Variants in C12orf76 observed in about 807,000 individuals in gnomAD.
C12orf76 encodes uncharacterized protein C12orf76.
A neutral mutation model predicts 6.8 loss-of-function variants in C12orf76; 6 were observed. That is an observed-to-expected ratio of 0.88 (90% confidence interval 0.48 to 1.73). C12orf76 has a LOEUF of 1.73. C12orf76 is among the 40% of genes most tolerant of loss of function. The pLI is 0.01. For synonymous variants in C12orf76, 56 were observed against 43.7 expected, an observed-to-expected ratio of 1.28 and a Z score of -1.11; for missense variants, 99 against 98.2, an observed-to-expected ratio of 1.01 and a Z score of -0.03.
upstream of C12orf76, chr12:110,048,556 T>C: frequency 7.4e-7 from 1 of 1,350,090 alleles, no homozygotes; most frequent in Non-Finnish European, 9.5e-7. Flanking sequence ...CTCTGTCTCC[T>C]CCCAGGTCTC....
chr12:110,052,519 A>C (rs1368904596), upstream of C12orf76, among the ~76,000 whole-genome samples: 1 of 152,162 alleles, frequency 6.6e-6, no homozygotes, highest in East Asian at 1.9e-4. Flanking sequence ...TTTATTGGGC[A>C]CTTAATACGT....
upstream of C12orf76, chr12:110,051,085 G>A: frequency 1.3e-6 from 1 of 780,636 alleles, no homozygotes. Context: ...TTTCACTTCT[G>A]CTGTCCTTTT....
intron 3 of C12orf76, chr12:110,058,912 C>T (rs1484215134): frequency 2.1e-6 from 3 of 1,441,170 alleles, no homozygotes; most frequent in East Asian, 5.0e-5. Context: ...CATATATTAA[C>T]TTTTGCAATT....
At chr12:110,057,430 ACT>A in intron 3 of C12orf76, 1 of 654,520 alleles carries the variant, frequency 1.5e-6, no homozygotes, top group Non-Finnish European at 2.8e-6. Context: ...GGCGCCGGGC[ACT>A]GTGCCTGCAG....
intron 1 of C12orf76, among the ~76,000 whole-genome samples, chr12:110,066,768 G>A (rs886370648): frequency 3.3e-5 from 5 of 152,140 alleles, no homozygotes; most frequent in Non-Finnish European, 5.9e-5. Context: ...GTGCCTCCCC[G>A]ACCTCCGTGC....
rs779811154 is a variant in C12orf76 at position 110,065,708 on chromosome 12, G to A, written n.380+152C>T. The A allele has an allele frequency of 1.1e-5, 15 of 1,324,668 alleles. No individual in the cohort carries two copies. The African/African-American group carries it at 2.2e-4, about 19-fold the overall frequency. The allele number at this position is 1,324,668 out of a possible 1,614,324, so 82.1% of individuals were successfully genotyped here. A position where few individuals can be genotyped will look rare whatever the true frequency, so the allele number is the denominator to read the frequency against. ...CTGGTCCCACCACACTCTATGCTCT[G>A]CACAGTGGCCCATGAGAGCTTCTAG... On this transcript the variant is annotated intron_variant and non_coding_transcript_variant, in intron 2 of 4. Coordinates refer to the C12orf76 transcript ENST00000309050.
chr12:110,051,355 A>G, upstream of C12orf76: 1 of 675,932 alleles, frequency 1.5e-6, no homozygotes, highest in Non-Finnish European at 2.7e-6. Flanking sequence ...ATCAAATGAT[A>G]TATGTCTGCA....
chr12:110,052,689 C>A (rs1179277662), upstream of C12orf76, among the ~76,000 whole-genome samples: 2 of 152,156 alleles, frequency 1.3e-5, no homozygotes, highest in African/African-American at 4.8e-5. Flanking sequence ...CTTCTTTCTG[C>A]CCAGCTGCTG....
chr12:110,067,118 T>G (rs1892881630), intron 1 of C12orf76, among the ~76,000 whole-genome samples: 1 of 152,232 alleles, frequency 6.6e-6, no homozygotes. Context: ...TGCAACCATC[T>G]TTTATTCCTT....
chr12:110,063,602 T>TTTTA (rs147216427), intron 2 of C12orf76, among the ~76,000 whole-genome samples: 37,119 of 138,574 alleles, frequency 0.27, 5,742 homozygotes, highest in African/African-American at 0.39. Flanking sequence ...GGATTTTTAT[T>TTTTA]TTTATTTATT....
chr12:110,068,313 G>GAAGAAGAAA (rs1555253423), upstream of C12orf76, among the ~76,000 whole-genome samples: 58 of 145,878 alleles, frequency 4.0e-4, 1 homozygote, highest in African/African-American at 1.2e-3. Flanking sequence ...AGAAGAAGAA[G>GAAGAAGAAA]AAGAAGAAGA....
rs145920485 is a variant in C12orf76 at position 110,045,837 on chromosome 12, T to C, written c.133+2526A>G. ...AGCCGGGCACGGTGGTGGGTGCCTGTAATCCCAGCTACTTGGGAGGCTTAG... is the reference window on the plus strand; with the variant it reads ...AGCCGGGCACGGTGGTGGGTGCCTGCAATCCCAGCTACTTGGGAGGCTTAG... On this transcript the variant is annotated intron_variant, in intron 1 of 1. Transcript: ENST00000615315. The C allele has an allele frequency of 4.2e-4, 67 of 157,828 alleles. No individual in the cohort carries two copies. In the East Asian group the frequency reaches 0.01, roughly 24 times the overall value. 9.8% of individuals were successfully genotyped at this position (157,828 alleles called of 1,614,324 possible).
chr12:110,066,374 A>G (rs1402726327), intron 1 of C12orf76, among the ~76,000 whole-genome samples: 2 of 112,498 alleles, frequency 1.8e-5, no homozygotes, highest in African/African-American at 7.2e-5. Context: ...ATCTAAAAAA[A>G]AAAAAAAAAA....
upstream of C12orf76, chr12:110,051,162 AAAGCTAAATGGCAGG>A (rs779708465): frequency 1.5e-5 from 12 of 779,976 alleles, no homozygotes; most frequent in Admixed American, 1.9e-4. Context: ...TCACCAGAGC[AAAGCTAAATGGCAGG>A]CACAGGAAAG....
upstream of C12orf76, chr12:110,051,404 G>A (rs188051676): frequency 8.4e-5 from 51 of 610,224 alleles, no homozygotes; most frequent in Admixed American, 1.3e-3. Context: ...CTGAGCACTC[G>A]CTATAGGAAA....
At chr12:110,066,367 TAAAAAAAAAAAAAAAAAAA>T (rs71079598) in intron 1 of C12orf76, among the ~76,000 whole-genome samples, 27 of 15,334 alleles carry the variant, frequency 1.8e-3, no homozygotes, top group South Asian at 2.9e-3. Context: ...AGACTCCATC[TAAAAAAAAAAAAAAAAAAA>T]AAAAAAAAAA....
At chr12:110,049,948 A>G (rs1892548346), upstream of C12orf76, 1 of 152,142 alleles carries the variant, frequency 6.6e-6, no homozygotes. Flanking sequence ...CGACCCTTTC[A>G]TGTGAAATCT....
In C12orf76 at chr12:110,042,624, T is replaced by C. The variant is rs1892343759; in HGVS notation, c.134-165A>G. The C allele has an allele frequency of 5.7e-6, 4 of 703,684 alleles. No individual in the cohort carries two copies. The Admixed American group carries it at 6.0e-5, about 11-fold the overall frequency. 43.6% of individuals were successfully genotyped at this position (703,684 alleles called of 1,614,324 possible). On this transcript the variant is annotated intron_variant, in intron 1 of 1. Coordinates refer to ENST00000615315, the MANE Select transcript of C12orf76 (RefSeq NM_001389625.1). ...CTCTCCAGTTGTCTCTAAATATAGTTGGGGGAGAAACAAACAGATGAGAGC... is the reference window on the plus strand; with the variant it reads ...CTCTCCAGTTGTCTCTAAATATAGTCGGGGGAGAAACAAACAGATGAGAGC...
At position 110,043,374 on chromosome 12, in the gene C12orf76, A is replaced by G. The variant is rs553931348; in HGVS notation, c.134-915T>C. Among the ~76,000 whole-genome samples, 36 of 87,614 alleles carry G rather than the reference A, an allele frequency of 4.1e-4. No homozygotes were observed. The East Asian group carries it at 6.7e-3, about 16-fold the overall frequency. The allele number at this position is 87,614 out of a possible 152,430, so 57.5% of individuals were successfully genotyped here. ...GAATGACATCATCTGATTTAGTCGG[A>G]AAAAAAAAAAAAGATTCCTCTGGCT... On this transcript the variant is annotated intron_variant, in intron 1 of 1. Coordinates refer to ENST00000615315, the MANE Select transcript of C12orf76 (RefSeq NM_001389625.1).
Sources: gnomAD v4.1 joint callset for allele counts (sites outside exome capture counted in the v4.1 genomes callset) on GRCh38, gnomAD v4.1.1 for gene constraint, MANE v1.5 for transcripts, NCBI Gene and HGNC (gene_info 2026-07-23, HGNC 2026-07-21) for gene names.